The following BCAR3 variants were observed in gnomAD, a reference collection of about 807,000 sequenced individuals.
BCAR3 encodes the protein breast cancer anti-estrogen resistance protein 3.
BCAR3 carries 37 observed loss-of-function variants against 80.1 expected under a neutral mutation model. The observed-to-expected ratio is 0.46, with a 90% CI of 0.36 to 0.61. The LOEUF is 0.61. BCAR3 is among the 20% of genes least tolerant of loss of function. The pLI is 0.00. For synonymous variants in BCAR3, 389 were observed against 418.9 expected (o/e 0.93, Z 0.87); for missense variants, 978 against 1,068.2 (o/e 0.92, Z 1.18).
chr1:93,787,162 G>A (rs1261619944), intron 2 of BCAR3, among the ~76,000 whole-genome samples: 1 of 152,164 alleles, frequency 6.6e-6, no homozygotes, highest in East Asian at 1.9e-4. Context: ...TCTTGTCAGG[G>A]GAGGGAGCAG....
At chr1:93,702,116 G>A (rs1342523091) in intron 3 of BCAR3, among the ~76,000 whole-genome samples, 3 of 152,124 alleles carry the variant, frequency 2.0e-5, no homozygotes, top group Non-Finnish European at 2.9e-5. Flanking sequence ...TTCTCACGGG[G>A]GAAAGTCTCA....
At chr1:93,769,263 C>T (rs1240481017) in intron 2 of BCAR3, among the ~76,000 whole-genome samples, 1 of 152,068 alleles carries the variant, frequency 6.6e-6, no homozygotes, top group South Asian at 2.1e-4. Context: ...AAAATACGCT[C>T]GTGGTATTGC....
intron 6 of BCAR3, 83 bp downstream of exon 6, chr1:93,583,935 A>G (rs537670055): frequency 1.5e-6 from 2 of 1,363,810 alleles, no homozygotes; most frequent in African/African-American, 1.4e-5. Context: ...TTTTCGAATG[A>G]GACAACTAGA....
rs1323840037 is a variant in BCAR3 at position 93,784,504 on chromosome 1, T to A, written c.-63+61063A>T. On this transcript the variant is annotated intron_variant, in intron 2 of 13. Coordinates refer to the BCAR3 transcript ENST00000370244. ...CTGAGGGTGAGCAGTTCCCCCAGCATGAAAGAGCTAAAGAAAAACCCAAGA... is the reference window on the plus strand; with the variant it reads ...CTGAGGGTGAGCAGTTCCCCCAGCAAGAAAGAGCTAAAGAAAAACCCAAGA... Among the ~76,000 whole-genome samples the A allele has an allele frequency of 6.6e-5, 10 of 152,208 alleles. No individual in the cohort carries two copies. In the South Asian group the frequency reaches 2.1e-3, roughly 32 times the overall value.
intron 3 of BCAR3, among the ~76,000 whole-genome samples, chr1:93,614,453 T>C (rs1675044414): frequency 6.6e-6 from 1 of 152,108 alleles, no homozygotes; most frequent in East Asian, 1.9e-4. Flanking sequence ...CAGAGGCTCC[T>C]TTGAGGAAAG....
rs1250643720 is a variant in BCAR3 at position 93,592,178 on chromosome 1, G to A, written c.486+87C>T. On this transcript the variant is annotated intron_variant, in intron 4 of 11. Transcript: ENST00000260502. This position sits in a 1 kb window ranked among gnomAD's most constrained non-coding sequence, Gnocchi z 4.8. ...GTTACACAGGTGCTTCCGCCCATGT[G>A]GCCTCGGAGTGGGACCCTGCGGGTC... 1.3e-6 allele frequency: 2 copies of A among 1,562,116 alleles called. No individual in the cohort carries two copies. The highest frequency in any genetic ancestry group is 1.2e-5 in the South Asian group (1 of 86,528).
At chr1:93,780,519 C>A (rs940413732) in intron 2 of BCAR3, among the ~76,000 whole-genome samples, 3 of 147,360 alleles carry the variant, frequency 2.0e-5, no homozygotes, top group African/African-American at 7.6e-5. Flanking sequence ...AGCACAGGCA[C>A]AGAGACTGGA....
In BCAR3 at chr1:93,772,894, A is replaced by G. The variant is rs1015376887; in HGVS notation, c.-62-66752T>C. Among the ~76,000 whole-genome samples the G allele has an allele frequency of 3.9e-5, 6 of 152,142 alleles. No individual in the cohort carries two copies. In the South Asian group the frequency reaches 1.0e-3, roughly 26 times the overall value. ...GCTGGGACTACAGGTGTGAGCCACCACACCCGGCCATCAACCTCTTCTTTT... is the reference window on the plus strand; with the variant it reads ...GCTGGGACTACAGGTGTGAGCCACCGCACCCGGCCATCAACCTCTTCTTTT... On this transcript the variant is annotated intron_variant, in intron 2 of 13. Coordinates refer to the BCAR3 transcript ENST00000370244.
intron 4 of BCAR3, chr1:93,590,103 G>A (rs1435506556): frequency 1.3e-5 from 2 of 152,214 alleles, no homozygotes; most frequent in Non-Finnish European, 2.9e-5. Context: ...ACCAATTACT[G>A]GCTAGAAGGC....
At chr1:93,657,271 A>T (rs1363841547) in intron 2 of BCAR3, among the ~76,000 whole-genome samples, 2 of 152,188 alleles carry the variant, frequency 1.3e-5, no homozygotes, top group Non-Finnish European at 2.9e-5. Context: ...AGAAAATCAA[A>T]ATAATCCTAT....
intron 2 of BCAR3, among the ~76,000 whole-genome samples, chr1:93,811,512 G>C (rs1025086230): frequency 6.6e-6 from 1 of 152,200 alleles, no homozygotes; most frequent in Non-Finnish European, 1.5e-5. Flanking sequence ...TTTCCTCTTA[G>C]TTTTAAGACT....
At chr1:93,600,273 G>A (rs573129185) in intron 3 of BCAR3, among the ~76,000 whole-genome samples, 3 of 152,316 alleles carry the variant, frequency 2.0e-5, no homozygotes, top group African/African-American at 7.2e-5. Flanking sequence ...CTGACCCATG[G>A]CCCCTGACAT....
chr1:93,802,251 A>G (rs1489237826), intron 2 of BCAR3, among the ~76,000 whole-genome samples: 2 of 152,114 alleles, frequency 1.3e-5, no homozygotes, highest in African/African-American at 4.8e-5. Flanking sequence ...TAAAGGCTGC[A>G]ATGAGCCATA....
At chr1:93,576,220 C>T (rs534342541) in intron 7 of BCAR3, 91 bp from the exon 8 acceptor site, 95 of 845,914 alleles carry the variant, frequency 1.1e-4, no homozygotes, top group Middle Eastern at 1.1e-3. Flanking sequence ...CACTGAACTA[C>T]GATGGCGTGG....
intron 2 of BCAR3, among the ~76,000 whole-genome samples, chr1:93,721,720 G>T (rs1650410412): frequency 6.6e-6 from 1 of 152,224 alleles, no homozygotes; most frequent in Non-Finnish European, 1.5e-5. Context: ...ATTCCAATGG[G>T]AGCTGTTCTT....
At chr1:93,609,469 AG>A (rs1674886205) in intron 3 of BCAR3, among the ~76,000 whole-genome samples, 1 of 152,156 alleles carries the variant, frequency 6.6e-6, no homozygotes, top group Non-Finnish European at 1.5e-5. Flanking sequence ...CCCGTCTCTT[AG>A]GTTCCTCTGA....
At chr1:93,676,221 G>A (rs562495259) in intron 1 of BCAR3, among the ~76,000 whole-genome samples, 1 of 152,200 alleles carries the variant, frequency 6.6e-6, no homozygotes, top group Non-Finnish European at 1.5e-5. Flanking sequence ...AAGGAACTGC[G>A]GACTTGGGAC....
At chr1:93,763,773 C>T (rs12121513) in intron 2 of BCAR3, among the ~76,000 whole-genome samples, 1 of 152,120 alleles carries the variant, frequency 6.6e-6, no homozygotes, top group Non-Finnish European at 1.5e-5. Context: ...CTTTCTGGAA[C>T]ATAAAGGCCT....
chr1:93,584,889 G>T, intron 5 of BCAR3: 1 of 815,360 alleles, frequency 1.2e-6, no homozygotes, highest in Non-Finnish European at 1.5e-6. Flanking sequence ...CACTGCACCA[G>T]CCAAGTTGTT....
Sources: gnomAD v4.1 joint callset for allele counts (sites outside exome capture counted in the v4.1 genomes callset) on GRCh38, gnomAD v4.1.1 for gene constraint, Gnocchi (gnomAD v3.1) non-coding constraint, MANE v1.5 for transcripts, NCBI Gene and HGNC (gene_info 2026-07-23, HGNC 2026-07-21) for gene names.